Variants in AUTS2 observed in about 807,000 individuals in gnomAD.
AUTS2 encodes the protein activator of transcription and developmental regulator AUTS2, also known as autism susceptibility gene 2 protein.
AUTS2 carries 17 observed loss-of-function variants against 112.4 expected under a neutral mutation model. The observed-to-expected ratio is 0.15, with a 90% CI of 0.10 to 0.23. The LOEUF (loss-of-function observed/expected upper bound fraction) is 0.23. Ranked by LOEUF, AUTS2 falls within the 10% of genes least tolerant of loss-of-function variation. AUTS2 has a pLI of 1.00. For missense variants in AUTS2, 1,510 were observed against 1,701.6 expected, an observed-to-expected ratio of 0.89 and a Z score of 1.98; for synonymous variants, 751 against 702.7, an observed-to-expected ratio of 1.07 and a Z score of -1.09.
At chr7:70,273,842 ATG>A (rs1377498767) in intron 4 of AUTS2, among the ~76,000 whole-genome samples, 1 of 152,202 alleles carries the variant, frequency 6.6e-6, no homozygotes, top group African/African-American at 2.4e-5. Flanking sequence ...ATCAAAACCC[ATG>A]TGGTTCAAGG....
chr7:70,270,454 G>T, intron 4 of AUTS2, among the ~76,000 whole-genome samples: 1 of 152,140 alleles, frequency 6.6e-6, no homozygotes, highest in Admixed American at 6.5e-5. Flanking sequence ...GAACATTTAG[G>T]AGTGTAGTGT....
At chr7:70,742,323 T>A (rs1210671353) in intron 6 of AUTS2, among the ~76,000 whole-genome samples, 1 of 152,216 alleles carries the variant, frequency 6.6e-6, no homozygotes, top group Non-Finnish European at 1.5e-5. Flanking sequence ...TAAGTCTGGT[T>A]CCTAATTACA....
intron 4 of AUTS2, among the ~76,000 whole-genome samples, chr7:70,215,700 G>A (rs922515537): frequency 4.6e-5 from 7 of 152,152 alleles, no homozygotes; most frequent in Admixed American, 3.3e-4. Context: ...AAGCATCAAG[G>A]ATGATGTAAC....
intron 1 of AUTS2, among the ~76,000 whole-genome samples, chr7:69,820,569 T>G (rs1301598362): frequency 6.6e-6 from 1 of 152,238 alleles, no homozygotes; most frequent in East Asian, 1.9e-4. Context: ...AATTAAGGGC[T>G]TCCTATAGGG....
intron 4 of AUTS2, among the ~76,000 whole-genome samples, chr7:70,317,320 T>C (rs1053944051): frequency 6.6e-6 from 1 of 152,170 alleles, no homozygotes; most frequent in African/African-American, 2.4e-5. Flanking sequence ...TCTTAATGAA[T>C]TTGTCATTTG....
At chr7:70,086,879 T>C (rs1468143089) in intron 2 of AUTS2, among the ~76,000 whole-genome samples, 32 of 152,064 alleles carry the variant, frequency 2.1e-4, no homozygotes, top group Admixed American at 2.1e-3. Flanking sequence ...TAAAATTTAT[T>C]TGTATTGTAT....
chr7:70,150,315 T>C (rs1464837275), intron 4 of AUTS2, among the ~76,000 whole-genome samples: 1 of 152,144 alleles, frequency 6.6e-6, no homozygotes, highest in Non-Finnish European at 1.5e-5. Context: ...TAGGAAAATA[T>C]TGTGCACACA....
chr7:70,618,922 G>A (rs139949052), intron 5 of AUTS2, among the ~76,000 whole-genome samples: 1 of 152,308 alleles, frequency 6.6e-6, no homozygotes, highest in East Asian at 1.9e-4. Context: ...ACTGGGAGAG[G>A]GAAAAGCTTT....
chr7:70,230,930 G>A (rs1436263452), intron 4 of AUTS2, among the ~76,000 whole-genome samples: 1 of 152,188 alleles, frequency 6.6e-6, no homozygotes, highest in African/African-American at 2.4e-5. Context: ...CATCTTCACA[G>A]CACACCCACC....
chr7:69,884,925 C>G (rs1006454183), intron 1 of AUTS2, among the ~76,000 whole-genome samples: 2 of 152,156 alleles, frequency 1.3e-5, no homozygotes, highest in African/African-American at 2.4e-5. Flanking sequence ...ATCTTAAGCA[C>G]TTTTCTGTGT....
chr7:70,154,365 G>A (rs777013971), intron 4 of AUTS2, among the ~76,000 whole-genome samples: 3 of 152,142 alleles, frequency 2.0e-5, no homozygotes, highest in Non-Finnish European at 4.4e-5. Flanking sequence ...TCAGTGAGGG[G>A]TTGACCAGAT....
chr7:69,738,401 T>TA (rs920782096), intron 1 of AUTS2, among the ~76,000 whole-genome samples: 4 of 152,118 alleles, frequency 2.6e-5, no homozygotes, highest in Non-Finnish European at 2.9e-5. Context: ...TGCTATCAGG[T>TA]AAAAAAACTA....
intron 2 of AUTS2, among the ~76,000 whole-genome samples, chr7:69,917,087 C>T (rs1054902391): frequency 9.2e-5 from 14 of 152,124 alleles, no homozygotes; most frequent in African/African-American, 2.9e-4. Flanking sequence ...GATCATAGCT[C>T]ACTGCAGCCT....
intron 5 of AUTS2, among the ~76,000 whole-genome samples, chr7:70,552,941 AG>A (rs770058841): frequency 3.2e-4 from 49 of 152,344 alleles, no homozygotes; most frequent in Non-Finnish European, 6.2e-4. Flanking sequence ...TGGTAGCACT[AG>A]GTATAGCATA....
At chr7:69,719,755 G>C (rs1428220589) in intron 1 of AUTS2, among the ~76,000 whole-genome samples, 1 of 152,184 alleles carries the variant, frequency 6.6e-6, no homozygotes, top group Non-Finnish European at 1.5e-5. Context: ...CCTGATGCCT[G>C]AATTTCCCTC....
intron 4 of AUTS2, among the ~76,000 whole-genome samples, chr7:70,337,837 CT>C (rs1389083640): frequency 1.3e-5 from 2 of 152,226 alleles, no homozygotes; most frequent in African/African-American, 4.8e-5. Context: ...GGATCAGTCC[CT>C]GAGGCCTTGC....
chr7:70,175,828 A>G (rs181844805), intron 4 of AUTS2, among the ~76,000 whole-genome samples: 6 of 152,334 alleles, frequency 3.9e-5, no homozygotes, highest in Admixed American at 2.0e-4. Context: ...TAATATGTCT[A>G]TTAGTTTTAG....
At chr7:70,706,118 C>G (rs986266123) in intron 6 of AUTS2, among the ~76,000 whole-genome samples, 1 of 152,200 alleles carries the variant, frequency 6.6e-6, no homozygotes, top group African/African-American at 2.4e-5. Context: ...CTCTGTGAGT[C>G]TGCTTTGTCA....
intron 5 of AUTS2, among the ~76,000 whole-genome samples, chr7:70,613,233 G>A (rs1563076329): frequency 9.1e-6 from 1 of 109,504 alleles, no homozygotes; most frequent in South Asian, 2.5e-4. Context: ...ACATATATGT[G>A]TGTGTGTCTG....
Sources: gnomAD v4.1 joint callset for allele counts (sites outside exome capture counted in the v4.1 genomes callset) on GRCh38, gnomAD v4.1.1 for gene constraint, MANE v1.5 for transcripts, NCBI Gene and HGNC (gene_info 2026-07-23, HGNC 2026-07-21) for gene names.